Variants in CDH23 observed in about 807,000 individuals in gnomAD.
CDH23 encodes the protein cadherin-23.
A neutral mutation model predicts 317.1 loss-of-function variants in CDH23; 189 were observed. The ratio of observed to expected loss-of-function variants is 0.60; its 90% CI spans 0.53 to 0.67. The LOEUF is 0.67. Among genes scored for constraint, CDH23 ranks in the 30% least tolerant of loss-of-function variants. The probability of loss-of-function intolerance (pLI) is 0.00; values close to 1 mark genes in which losing one functional copy is unlikely to be tolerated. For synonymous variants in CDH23, 1,839 were observed against 1,876.8 expected, an observed-to-expected ratio of 0.98 and a Z score of 0.52; for missense variants, 4,401 against 4,592.4, an observed-to-expected ratio of 0.96 and a Z score of 1.20.
chr10:71,491,293 C>T (rs1852644667), intron 3 of CDH23, among the ~76,000 whole-genome samples: 2 of 152,282 alleles, frequency 1.3e-5, no homozygotes, highest in Admixed American at 6.5e-5. Flanking sequence ...ACTTCTCCCC[C>T]AGTGCTGCTG....
intron 2 of CDH23, among the ~76,000 whole-genome samples, chr10:71,443,715 G>A (rs995852081): frequency 2.0e-5 from 3 of 152,202 alleles, no homozygotes; most frequent in Non-Finnish European, 2.9e-5. Context: ...TCCTTCCCCC[G>A]AAGAAATCAC....
intron 3 of CDH23, among the ~76,000 whole-genome samples, chr10:71,507,428 G>A (rs1475793707): frequency 5.9e-5 from 9 of 152,130 alleles, no homozygotes; most frequent in South Asian, 2.1e-4. Flanking sequence ...ATGGTGGCTC[G>A]CACCTGTAAT....
In CDH23 at chr10:71,694,253, C is replaced by A; in HGVS notation, c.2283C>A (p.Ile761=). Residue 761 remains isoleucine (I), a synonymous_variant, in exon 21 of 70, where the codon ATC becomes ATA. Coordinates refer to ENST00000224721, the MANE Select transcript of CDH23 (RefSeq NM_022124.6). Reference sequence around the variant, plus strand: ...TGGGCCACAACCAGAAAACTGGCATCGCCACCGTGAGTGCGCTCCCCTCCC... The same window carrying A: ...TGGGCCACAACCAGAAAACTGGCATAGCCACCGTGAGTGCGCTCCCCTCCC... ...GGVGHNQKTG[I]ATVNITLLDI... is the part of the protein sequence containing the mutation. 1 of 1,611,428 alleles carries A rather than the reference C, an allele frequency of 6.2e-7. No homozygotes were observed. The highest frequency in any genetic ancestry group is 1.1e-5 in the South Asian group (1 of 90,956).
At chr10:71,730,006 T>G (rs1839310372) in intron 30 of CDH23, among the ~76,000 whole-genome samples, 1 of 152,038 alleles carries the variant, frequency 6.6e-6, no homozygotes, top group Non-Finnish European at 1.5e-5. Context: ...GGCTAATTTT[T>G]TGTATTTTTA....
At chr10:71,581,689 C>T (rs1259451817) in intron 9 of CDH23, among the ~76,000 whole-genome samples, 1 of 152,370 alleles carries the variant, frequency 6.6e-6, no homozygotes, top group Non-Finnish European at 1.5e-5. Flanking sequence ...CACAGAGGAC[C>T]TGGCATGGGC....
At chr10:71,635,430 AG>A (rs895830496) in intron 11 of CDH23, 1 of 152,460 alleles carries the variant, frequency 6.6e-6, no homozygotes, top group African/African-American at 2.4e-5. Context: ...AGATTTCACA[AG>A]GGTTTTTGAA....
chr10:71,673,726 C>A lies in CDH23; in HGVS notation c.1450-1386C>A, dbSNP rs538980894. On this transcript the variant is annotated intron_variant, in intron 14 of 69. Coordinates refer to ENST00000224721, the MANE Select transcript of CDH23 (RefSeq NM_022124.6). ...TGTCTCGATGCCTCAGTTTCCCCAT[C>A]TGTAAATTGGAGGTGGTGCTAATAA... Among the ~76,000 whole-genome samples the A allele has an allele frequency of 8.5e-5, 13 of 152,356 alleles. No individual in the cohort carries two copies. The South Asian group carries it at 2.7e-3, about 32-fold the overall frequency.
chr10:71,813,534 A>G lies in CDH23; in HGVS notation c.9738+186A>G, dbSNP rs1463037925. 3.9e-5 allele frequency among the ~76,000 whole-genome samples: 6 copies of G among 152,314 alleles called. No homozygotes were observed. The South Asian group carries it at 1.0e-3, about 26-fold the overall frequency. On this transcript the variant is annotated intron_variant, in intron 69 of 69. Transcript: ENST00000224721. ...TTTCTGGGCTTTTGGGGGCTTTCAC[A>G]GGAATGGGGTAGTCTCTAAGGCAGT... is the stretch of plus-strand genomic sequence containing the variant.
At chr10:71,434,037 T>C (rs1399365753) in intron 1 of CDH23, among the ~76,000 whole-genome samples, 2 of 152,124 alleles carry the variant, frequency 1.3e-5, no homozygotes, top group African/African-American at 4.8e-5. Flanking sequence ...CCTCATCTCC[T>C]GCAACTCTTC....
At chr10:71,800,840 C>T in intron 53 of CDH23, 85 bp downstream of exon 53, 1 of 1,550,320 alleles carries the variant, frequency 6.5e-7, no homozygotes, top group Non-Finnish European at 8.7e-7. Flanking sequence ...TGGACTGCTG[C>T]AGACTGGGAG....
intron 38 of CDH23, among the ~76,000 whole-genome samples, chr10:71,771,173 G>A (rs1840675422): frequency 6.6e-6 from 1 of 152,182 alleles, no homozygotes; most frequent in African/African-American, 2.4e-5. Context: ...TCCTGGGAAT[G>A]TCTGTGGGGA....
At chr10:71,532,721 T>G (rs77565633) in intron 6 of CDH23, among the ~76,000 whole-genome samples, 3,812 of 35,040 alleles carry the variant, frequency 0.11, 97 homozygotes, top group East Asian at 0.27. Flanking sequence ...GTTTTTTTTT[T>G]TTTTTGTTTT....
intron 14 of CDH23, among the ~76,000 whole-genome samples, chr10:71,653,156 C>T (rs1863258729): frequency 6.6e-6 from 1 of 152,220 alleles, no homozygotes; most frequent in Admixed American, 6.5e-5. Flanking sequence ...GCCTCCCTCT[C>T]CTGCCACATC....
chr10:71,518,861 TC>T (rs1854490579), intron 6 of CDH23, among the ~76,000 whole-genome samples: 1 of 152,136 alleles, frequency 6.6e-6, no homozygotes, highest in South Asian at 2.1e-4. Context: ...TGCTTCCTCC[TC>T]CACCCAGTGG....
chr10:71,781,106 G>C (rs1042131494), intron 41 of CDH23, among the ~76,000 whole-genome samples: 1 of 152,192 alleles, frequency 6.6e-6, no homozygotes, highest in Admixed American at 6.5e-5. Flanking sequence ...GTCTGGGCTG[G>C]AGACGGGTAT....
chr10:71,791,549 T>C (rs1841251947), intron 47 of CDH23, among the ~76,000 whole-genome samples: 1 of 151,966 alleles, frequency 6.6e-6, no homozygotes, highest in Non-Finnish European at 1.5e-5. Context: ...ACAAGATTCT[T>C]TTTTCCTTTC....
chr10:71,812,618 G>A lies in CDH23; in HGVS notation c.9510+9G>A, dbSNP rs2133007345. On this transcript the variant is annotated intron_variant, in intron 67 of 69. Coordinates refer to ENST00000224721, the MANE Select transcript of CDH23 (RefSeq NM_022124.6). ...GCCCCACGCGCACCCATGTGAGCCA[G>A]AGGCGGTCAGGCATCACAAGGGGCA... 1 of 1,613,610 alleles carries A rather than the reference G, an allele frequency of 6.2e-7. No individual in the cohort carries two copies. The highest frequency in any genetic ancestry group is 8.5e-7 in the Non-Finnish European group (1 of 1,179,894).
At chr10:71,649,201 T>G (rs1863046606) in intron 14 of CDH23, among the ~76,000 whole-genome samples, 1 of 152,160 alleles carries the variant, frequency 6.6e-6, no homozygotes, top group Non-Finnish European at 1.5e-5. Flanking sequence ...GGCAGCTCTC[T>G]GCTCAGACCC....
At chr10:71,415,800 G>GA (rs1445838309) in intron 1 of CDH23, among the ~76,000 whole-genome samples, 1 of 152,118 alleles carries the variant, frequency 6.6e-6, no homozygotes, top group Non-Finnish European at 1.5e-5. Flanking sequence ...AGCATTTGGG[G>GA]ATTTCATACT....
Sources: gnomAD v4.1 joint callset for allele counts (sites outside exome capture counted in the v4.1 genomes callset) on GRCh38, gnomAD v4.1.1 for gene constraint, MANE v1.5 for transcripts, NCBI Gene and HGNC (gene_info 2026-07-23, HGNC 2026-07-21) for gene names.